The following TK2 variants were observed in gnomAD, a reference collection of about 807,000 sequenced individuals.
TK2 encodes the protein thymidine kinase 2, also known as thymidine kinase 2, mitochondrial.
TK2 carries 35 observed loss-of-function variants against 41.9 expected under a neutral mutation model. The ratio of observed to expected loss-of-function variants is 0.84; its 90% CI spans 0.64 to 1.11. TK2 has a LOEUF of 1.11. Ranked by LOEUF, TK2 falls within the 50% of genes least tolerant of loss-of-function variation. The pLI is 0.00. For synonymous variants in TK2, 128 were observed against 129.1 expected, an observed-to-expected ratio of 0.99 and a Z score of 0.06; for missense variants, 320 against 351.1, an observed-to-expected ratio of 0.91 and a Z score of 0.71.
chr16:66,548,829 G>A, intron 2 of TK2, 149 bp downstream of exon 2: 1 of 755,930 alleles, frequency 1.3e-6, no homozygotes, highest in Admixed American at 2.2e-5. Flanking sequence ...GGCCTTCTAG[G>A]AGGGTGACAG....
At chr16:66,536,076 C>T (rs939905554) in intron 4 of TK2, among the ~76,000 whole-genome samples, 1 of 151,984 alleles carries the variant, frequency 6.6e-6, no homozygotes, top group African/African-American at 2.4e-5. Context: ...TGGTCGTGCG[C>T]ACCTGTAGTC....
intron 6 of TK2, among the ~76,000 whole-genome samples, chr16:66,524,682 C>T (rs1964878288): frequency 6.6e-6 from 1 of 152,172 alleles, no homozygotes; most frequent in South Asian, 2.1e-4. Context: ...GTGTGATCCC[C>T]GACCAGTAGG....
At position 66,510,286 on chromosome 16, in the gene TK2, A is replaced by C. The variant is rs886052199; in HGVS notation, c.*1682T>G. ...TGTGCAAAATGAGCCGAGAGGAAATATTGGACTGTTCATTTACAAATTCTC... is the reference window on the plus strand; with the variant it reads ...TGTGCAAAATGAGCCGAGAGGAAATCTTGGACTGTTCATTTACAAATTCTC... On this transcript the variant is annotated 3_prime_UTR_variant, in exon 10 of 10. Coordinates refer to ENST00000544898, the MANE Select transcript of TK2 (RefSeq NM_004614.5). 2.0e-5 allele frequency: 3 copies of C among 152,064 alleles called. No homozygotes were observed. Among genetic ancestry groups the C allele is most frequent in the Non-Finnish European group, 4.4e-5 (3 of 68,012 alleles). The allele number at this position is 152,064 out of a possible 1,614,324, so 9.4% of individuals were successfully genotyped here.
chr16:66,534,720 T>C (rs974246090), intron 4 of TK2, among the ~76,000 whole-genome samples: 2 of 152,254 alleles, frequency 1.3e-5, no homozygotes, highest in Non-Finnish European at 2.9e-5. Context: ...GGTTATCTCA[T>C]GTAAAACAGA....
At chr16:66,532,391 G>T (rs1373523008) in intron 4 of TK2, among the ~76,000 whole-genome samples, 2 of 152,020 alleles carry the variant, frequency 1.3e-5, no homozygotes, top group Non-Finnish European at 2.9e-5. Flanking sequence ...ATCACTCAAG[G>T]CCAGGAGTTC....
At chr16:66,535,097 G>A (rs1201019271) in intron 4 of TK2, among the ~76,000 whole-genome samples, 2 of 152,152 alleles carry the variant, frequency 1.3e-5, no homozygotes, top group Admixed American at 1.3e-4. Context: ...TCTCATAAAG[G>A]CTAGGAGAAA....
At position 66,550,056 on chromosome 16, in the gene TK2, C is replaced by G. The variant is rs1179683631; in HGVS notation, c.6G>C (p.Leu2=). The G allele has an allele frequency of 6.3e-7, 1 of 1,579,728 alleles. No homozygotes were observed. Among genetic ancestry groups the G allele is most frequent in the East Asian group, 2.3e-5 (1 of 43,240 alleles). ...CGGCCCAGCCCCGCAGCGGCCACAGCAGCATAGCCGGGCGAGCGGATCCAG... is the reference window on the plus strand; with the variant it reads ...CGGCCCAGCCCCGCAGCGGCCACAGGAGCATAGCCGGGCGAGCGGATCCAG... M[L]LWPLRGWAAR... Residue 2 remains leucine (L), a synonymous_variant, in exon 1 of 10, where the codon CTG becomes CTC. Coordinates refer to ENST00000544898, the MANE Select transcript of TK2 (RefSeq NM_004614.5).
chr16:66,549,376 C>T (rs1212084658), intron 1 of TK2: 3 of 1,131,096 alleles, frequency 2.7e-6, no homozygotes, highest in Non-Finnish European at 3.3e-6. Flanking sequence ...TGGTTTTGGG[C>T]CTGGGACCCA....
chr16:66,530,665 C>G (rs1965082180), intron 5 of TK2, among the ~76,000 whole-genome samples: 1 of 152,104 alleles, frequency 6.6e-6, no homozygotes, highest in Non-Finnish European at 1.5e-5. Context: ...GGCCTCATCC[C>G]TAGAATTTCT....
chr16:66,517,126 G>A lies in TK2; in HGVS notation c.618+10C>T, dbSNP rs1223503751. 1 of 1,613,736 alleles carries A rather than the reference G, an allele frequency of 6.2e-7. No homozygotes were observed. The highest frequency in any genetic ancestry group is 8.5e-7 in the Non-Finnish European group (1 of 1,179,646). ...AGTTTGTCTTTAACCAAGTCAAAGA[G>A]GCCTCTTACCAGCGGAATGACCTTC... On this transcript the variant is annotated intron_variant, in intron 8 of 9. Coordinates refer to ENST00000544898, the MANE Select transcript of TK2 (RefSeq NM_004614.5). This position sits in a 1 kb window ranked among gnomAD's most constrained non-coding sequence, Gnocchi z 4.3.
At chr16:66,546,902 C>T (rs1172329042) in intron 2 of TK2, among the ~76,000 whole-genome samples, 1 of 152,054 alleles carries the variant, frequency 6.6e-6, no homozygotes, top group East Asian at 1.9e-4. Context: ...CTGGTGCATG[C>T]CACCATGCCC....
Position 66,513,838 on chromosome 16 carries a change from C to T in TK2, c.619-27G>A, listed in dbSNP as rs147168975. 1,400 of 1,608,816 alleles carry T rather than the reference C, an allele frequency of 8.7e-4. 10 individuals carry two copies. The African/African-American group carries it at 0.015, about 17-fold the overall frequency. Reference sequence around the variant, plus strand: ...TGCCAGGGAAACACAAGCAGTCTGTCGGGAGTGGACAGAGCAGACCCCACC... The same window carrying T: ...TGCCAGGGAAACACAAGCAGTCTGTTGGGAGTGGACAGAGCAGACCCCACC... On this transcript the variant is annotated intron_variant, in intron 8 of 9. Coordinates refer to ENST00000544898, the MANE Select transcript of TK2 (RefSeq NM_004614.5).
intron 6 of TK2, among the ~76,000 whole-genome samples, chr16:66,518,392 T>C (rs1049068350): frequency 2.6e-5 from 4 of 151,922 alleles, no homozygotes; most frequent in African/African-American, 9.7e-5. Flanking sequence ...TAACTAGGGG[T>C]GGTGGCGCAT....
At chr16:66,548,698 A>C in intron 2 of TK2, 1 of 422,310 alleles carries the variant, frequency 2.4e-6, no homozygotes, top group South Asian at 2.8e-5. Flanking sequence ...GCGTTTTTCA[A>C]ATCCTTTCAC....
intron 4 of TK2, among the ~76,000 whole-genome samples, chr16:66,534,913 C>G (rs1805382194): frequency 1.3e-5 from 2 of 152,236 alleles, no homozygotes; most frequent in African/African-American, 4.8e-5. Context: ...AAACTCCTGG[C>G]TTTAAGTGAT....
chr16:66,529,270 C>T (rs1965034349), intron 5 of TK2, among the ~76,000 whole-genome samples: 1 of 152,160 alleles, frequency 6.6e-6, no homozygotes, highest in Non-Finnish European at 1.5e-5. Context: ...GGCTGTGTCC[C>T]CCTTCCACCC....
At chr16:66,537,801 G>A (rs1326405689) in intron 3 of TK2, among the ~76,000 whole-genome samples, 4 of 152,180 alleles carry the variant, frequency 2.6e-5, no homozygotes, top group Non-Finnish European at 4.4e-5. Flanking sequence ...GGAACTTTCA[G>A]AGTACATGTG....
At chr16:66,512,109 G>A (rs1964468878) in intron 9 of TK2, 43 bp from the exon 10 acceptor site, 1 of 1,537,904 alleles carries the variant, frequency 6.5e-7, no homozygotes, top group Non-Finnish European at 9.0e-7. Flanking sequence ...ACTGACCTCA[G>A]CAGCATCCTC....
chr16:66,512,047 T>C lies in TK2; in HGVS notation c.719A>G (p.His240Arg). Residue 240 changes from histidine to arginine, a missense_variant, in exon 10 of 10, where the codon CAC (histidine) becomes CGC (arginine). Coordinates refer to ENST00000544898, the MANE Select transcript of TK2 (RefSeq NM_004614.5). ...AAAGAGTTCTAACATCCTCTCCATG[T>C]GGTGGTCAGCCTCAATCACCTGGAA... Reference protein sequence around the residue: ...APVLVIEADHHMERMLELFEQ... With the variant: ...APVLVIEADHRMERMLELFEQ... 1 of 1,614,158 alleles carries C rather than the reference T, an allele frequency of 6.2e-7. No individual in the cohort carries two copies. Among genetic ancestry groups the C allele is most frequent in the Non-Finnish European group, 8.5e-7 (1 of 1,180,024 alleles).
Sources: allele counts gnomAD v4.1 joint callset (sites outside exome capture counted in the v4.1 genomes callset), GRCh38; gene constraint gnomAD v4.1.1; non-coding constraint Gnocchi (gnomAD v3.1); transcripts MANE v1.5; gene names NCBI Gene and HGNC (gene_info 2026-07-23, HGNC 2026-07-21).